The following SPIDR variants were observed in gnomAD, a reference collection of about 807,000 sequenced individuals.
The protein encoded by SPIDR is DNA repair-scaffolding protein.
Under a neutral mutation model 104.6 loss-of-function variants are expected in SPIDR, and 93 were observed. The observed-to-expected ratio is 0.89, with a 90% CI of 0.75 to 1.06. SPIDR has a LOEUF of 1.06. Among genes scored for constraint, SPIDR ranks in the 50% least tolerant of loss-of-function variants. The probability of loss-of-function intolerance (pLI) is 0.00; values close to 1 mark genes in which losing one functional copy is unlikely to be tolerated. For synonymous variants in SPIDR, 431 were observed against 416.9 expected, an observed-to-expected ratio of 1.03 and a Z score of -0.41; for missense variants, 1,154 against 1,111.2, an observed-to-expected ratio of 1.04 and a Z score of -0.55.
At position 47,457,685 on chromosome 8, in the gene SPIDR, T is replaced by C. The variant is rs782760522; in HGVS notation, c.1097+17143T>C. Among the ~76,000 whole-genome samples, 210 of 152,088 alleles carry C rather than the reference T, an allele frequency of 1.4e-3. 2 individuals carry two copies. The highest frequency in any genetic ancestry group is 1.8e-3 in the Non-Finnish European group (119 of 67,994). Reference sequence around the variant, plus strand: ...TGTCTAAGCCCATGTCTACTAGGGTTTTTCCGATGTTATCTTCTGGAAATT... The same window carrying C: ...TGTCTAAGCCCATGTCTACTAGGGTCTTTCCGATGTTATCTTCTGGAAATT... On this transcript the variant is annotated intron_variant, in intron 8 of 19. Coordinates refer to ENST00000297423, the MANE Select transcript of SPIDR (RefSeq NM_001080394.4).
chr8:47,463,075 A>G (rs190001378), intron 8 of SPIDR, among the ~76,000 whole-genome samples: 15 of 152,128 alleles, frequency 9.9e-5, no homozygotes, highest in African/African-American at 2.2e-4. Flanking sequence ...AAACCTTCCA[A>G]TGGCCGGGCG....
chr8:47,572,956 G>A (rs186210033), intron 8 of SPIDR, among the ~76,000 whole-genome samples: 1 of 152,050 alleles, frequency 6.6e-6, no homozygotes, highest in Admixed American at 6.5e-5. Context: ...GCAGACAAGA[G>A]AATGACATCG....
intron 10 of SPIDR, among the ~76,000 whole-genome samples, chr8:47,640,885 T>TTA (rs2068824935): frequency 7.4e-6 from 1 of 135,242 alleles, no homozygotes; most frequent in African/African-American, 2.8e-5. Flanking sequence ...TTTTTTTTTT[T>TTA]GTATTTTGGT....
intron 16 of SPIDR, among the ~76,000 whole-genome samples, chr8:47,716,211 C>T (rs539401144): frequency 1.3e-5 from 2 of 152,260 alleles, no homozygotes; most frequent in East Asian, 1.9e-4. Flanking sequence ...CCACCCACCT[C>T]GGCCTCCCAA....
intron 10 of SPIDR, among the ~76,000 whole-genome samples, chr8:47,629,304 G>A (rs763901901): frequency 3.9e-5 from 6 of 152,120 alleles, no homozygotes; most frequent in Non-Finnish European, 8.8e-5. Context: ...GGTTTTGGGG[G>A]TTTTATTTTA....
At chr8:47,518,994 G>C (rs952607402) in intron 8 of SPIDR, among the ~76,000 whole-genome samples, 15 of 152,038 alleles carry the variant, frequency 9.9e-5, no homozygotes, top group South Asian at 4.1e-4. Flanking sequence ...GTGAATAATT[G>C]GTGAAACCTT....
chr8:47,520,911 C>T (rs568140336), intron 8 of SPIDR, among the ~76,000 whole-genome samples: 74 of 152,196 alleles, frequency 4.9e-4, no homozygotes, highest in Admixed American at 6.5e-4. Flanking sequence ...GATATGGCTC[C>T]AGAACTGTGA....
chr8:47,723,870 CT>C (rs571212150), intron 16 of SPIDR, among the ~76,000 whole-genome samples: 8 of 149,600 alleles, frequency 5.3e-5, no homozygotes, highest in Admixed American at 1.3e-4. Flanking sequence ...TTCCTGATTT[CT>C]TTTTTTTTTC....
At chr8:47,532,158 C>T (rs996745165) in intron 8 of SPIDR, among the ~76,000 whole-genome samples, 1 of 151,422 alleles carries the variant, frequency 6.6e-6, no homozygotes, top group African/African-American at 2.4e-5. Flanking sequence ...GCAACCTCCC[C>T]TCCCAGGTTC....
At chr8:47,383,873 A>G (rs1365946412) in intron 5 of SPIDR, among the ~76,000 whole-genome samples, 1 of 152,172 alleles carries the variant, frequency 6.6e-6, no homozygotes, top group African/African-American at 2.4e-5. Flanking sequence ...ATTTGCTTTT[A>G]TCTTTTTGAC....
chr8:47,344,757 A>C (rs1426080096), intron 5 of SPIDR, among the ~76,000 whole-genome samples: 3 of 152,140 alleles, frequency 2.0e-5, no homozygotes, highest in Non-Finnish European at 2.9e-5. Context: ...GTTGCTGCAT[A>C]AGTGTCTTCT....
chr8:47,380,669 T>A (rs1302643032), intron 5 of SPIDR, among the ~76,000 whole-genome samples: 1 of 151,912 alleles, frequency 6.6e-6, no homozygotes, highest in Non-Finnish European at 1.5e-5. Flanking sequence ...AGTTCTCTCC[T>A]TCTCACTGAG....
At chr8:47,647,651 A>AGAGAGAGAGAGAGAGAGAGAGAGAGG (rs1563416092) in intron 10 of SPIDR, among the ~76,000 whole-genome samples, 1 of 121,976 alleles carries the variant, frequency 8.2e-6, no homozygotes, top group Non-Finnish European at 1.8e-5. Context: ...AGAGAGAGAG[A>AGAGAGAGAGAGAGAGAGAGAGAGAGG]GAGGGAGAGA....
At chr8:47,522,194 GAAAAA>G (rs961500543) in intron 8 of SPIDR, among the ~76,000 whole-genome samples, 2 of 149,706 alleles carry the variant, frequency 1.3e-5, no homozygotes, top group East Asian at 2.0e-4. Context: ...AAAAAGAAAA[GAAAAA>G]AAGAAACATG....
chr8:47,664,524 T>C (rs2074612507), intron 10 of SPIDR, among the ~76,000 whole-genome samples: 1 of 152,026 alleles, frequency 6.6e-6, no homozygotes, highest in African/African-American at 2.4e-5. Context: ...ATTCTGTTGT[T>C]GAAAAGAACA....
chr8:47,669,907 G>A (rs560897811), intron 10 of SPIDR, among the ~76,000 whole-genome samples: 2 of 152,280 alleles, frequency 1.3e-5, no homozygotes, highest in South Asian at 4.2e-4. Context: ...GGCTGAGGCA[G>A]GAGAATTGCT....
At chr8:47,529,594 G>A (rs1236400255) in intron 8 of SPIDR, among the ~76,000 whole-genome samples, 1 of 151,800 alleles carries the variant, frequency 6.6e-6, no homozygotes, top group East Asian at 1.9e-4. Flanking sequence ...AATGTTAAAA[G>A]AAATTATTCA....
rs375270922 is a variant in SPIDR at position 47,547,916 on chromosome 8, C to T, written c.1098-47895C>T. On this transcript the variant is annotated intron_variant, in intron 8 of 19. Transcript: ENST00000297423. ...ACCCACTTTAGATGCTTCTTGGGAC[C>T]ACCAGCCATGGCTGCATTAGGCACG... 1.7e-4 allele frequency: 27 copies of T among 163,562 alleles called. No individual in the cohort carries two copies. In the South Asian group the frequency reaches 4.6e-3, roughly 28 times the overall value. The allele number at this position is 163,562 out of a possible 1,614,324, so 10.1% of individuals were successfully genotyped here.
chr8:47,355,467 G>GT (rs1252578793), intron 5 of SPIDR, among the ~76,000 whole-genome samples: 1 of 152,074 alleles, frequency 6.6e-6, no homozygotes, highest in Non-Finnish European at 1.5e-5. Flanking sequence ...CAGTGAATGC[G>GT]TAACAACCAC....
Sources: allele counts gnomAD v4.1 joint callset (sites outside exome capture counted in the v4.1 genomes callset), GRCh38; gene constraint gnomAD v4.1.1; transcripts MANE v1.5; gene names NCBI Gene and HGNC (gene_info 2026-07-23, HGNC 2026-07-21).